Variants in ZNF138 observed in about 807,000 individuals in gnomAD.
The protein encoded by ZNF138 is zinc finger protein 138, also known as zinc finger protein 138 (clone pHZ-32).
A neutral mutation model predicts 33.0 loss-of-function variants in ZNF138; 33 were observed. The observed-to-expected ratio is 1.00, with a 90% CI of 0.76 to 1.34. ZNF138 has a LOEUF of 1.34. Among genes scored for constraint, ZNF138 ranks in the 40% most tolerant of loss-of-function variants. The probability of loss-of-function intolerance (pLI) is 0.00; values close to 1 mark genes in which losing one functional copy is unlikely to be tolerated. For synonymous variants in ZNF138, 139 were observed against 120.4 expected (o/e 1.15, Z -1.01); for missense variants, 360 against 370.8 (o/e 0.97, Z 0.24).
chr7:64,795,887 C>G (rs569850623), intron 1 of ZNF138, among the ~76,000 whole-genome samples: 16 of 152,256 alleles, frequency 1.1e-4, no homozygotes, highest in African/African-American at 3.6e-4. Context: ...TAAATTTCAG[C>G]TCCTGGCCTG....
chr7:64,822,874 A>AT (rs60156795), intron 3 of ZNF138, among the ~76,000 whole-genome samples: 149,753 of 151,958 alleles, frequency 0.99, 73,828 homozygotes, highest in Non-Finnish European at 1. Context: ...TGAAAAATTA[A>AT]TTTTTTTATT....
At chr7:64,810,312 T>C (rs62456821) in intron 1 of ZNF138, among the ~76,000 whole-genome samples, 136,056 of 145,086 alleles carry the variant, frequency 0.94, 63,849 homozygotes, top group South Asian at 0.97. Context: ...TCAGGCGTGG[T>C]GGCGCGAGCC....
chr7:64,842,406 T>C, the ZNF138 span, among the ~76,000 whole-genome samples: 1 of 152,230 alleles, frequency 6.6e-6, no homozygotes, highest in African/African-American at 2.4e-5. Flanking sequence ...TGCAAAATAA[T>C]AAAATGACCT....
intron 3 of ZNF138, among the ~76,000 whole-genome samples, chr7:64,830,130 G>C (rs1413709836): frequency 1.3e-5 from 2 of 152,220 alleles, no homozygotes; most frequent in African/African-American, 2.4e-5. Context: ...AAAATTAACT[G>C]GTTATCTCAT....
chr7:64,818,091 C>CAAG (rs61482707), intron 3 of ZNF138, among the ~76,000 whole-genome samples: 9 of 149,360 alleles, frequency 6.0e-5, no homozygotes, highest in Non-Finnish European at 1.2e-4. Context: ...CTCCCAGGTT[C>CAAG]TCCTTCCTCA....
intron 1 of ZNF138, among the ~76,000 whole-genome samples, chr7:64,795,208 A>G (rs888062607): frequency 2.0e-5 from 3 of 152,300 alleles, no homozygotes; most frequent in South Asian, 2.1e-4. Context: ...TTAAACATGA[A>G]TTTTATTTTT....
chr7:64,839,085 C>G, the ZNF138 span, among the ~76,000 whole-genome samples: 1 of 152,182 alleles, frequency 6.6e-6, no homozygotes, highest in Non-Finnish European at 1.5e-5. Flanking sequence ...GCGGAGGTCC[C>G]AGAACCTTTG....
At chr7:64,843,479 A>G in the ZNF138 span, among the ~76,000 whole-genome samples, 1 of 152,222 alleles carries the variant, frequency 6.6e-6, no homozygotes, top group Non-Finnish European at 1.5e-5. Context: ...TTAAAATAGG[A>G]GTAATTCTAA....
chr7:64,844,024 A>G, the ZNF138 span, among the ~76,000 whole-genome samples: 1 of 152,130 alleles, frequency 6.6e-6, no homozygotes, highest in Admixed American at 6.5e-5. Flanking sequence ...GGGTTTCACC[A>G]TGTTGGCCAG....
intron 1 of ZNF138, among the ~76,000 whole-genome samples, chr7:64,807,939 AT>A (rs1000048354): frequency 6.6e-6 from 1 of 152,228 alleles, no homozygotes; most frequent in African/African-American, 2.4e-5. Context: ...GGAGTAGAGT[AT>A]TCTTGTCTTT....
At chr7:64,837,320 G>T (rs754560851), downstream of ZNF138, among the ~76,000 whole-genome samples, 8 of 152,116 alleles carry the variant, frequency 5.3e-5, no homozygotes, top group Non-Finnish European at 7.3e-5. Flanking sequence ...TTGCCTGGAG[G>T]TCTTTTACTA....
At chr7:64,811,404 G>T (rs1788169279) in intron 1 of ZNF138, among the ~76,000 whole-genome samples, 1 of 152,180 alleles carries the variant, frequency 6.6e-6, no homozygotes, top group Non-Finnish European at 1.5e-5. Context: ...GGAGTGCAAT[G>T]GTGGGATCTC....
chr7:64,852,641 A>C, the ZNF138 span: 34 of 1,430,126 alleles, frequency 2.4e-5, no homozygotes, highest in South Asian at 3.7e-4. Flanking sequence ...GTTCATCATC[A>C]CCTCCTCGTA....
chr7:64,818,846 G>A (rs1033068702), intron 3 of ZNF138, among the ~76,000 whole-genome samples: 1 of 152,194 alleles, frequency 6.6e-6, no homozygotes, highest in Admixed American at 6.5e-5. Flanking sequence ...CCATACAGTG[G>A]ATGGCACTAA....
chr7:64,800,044 G>T (rs2128985160), intron 1 of ZNF138, among the ~76,000 whole-genome samples: 1 of 152,220 alleles, frequency 6.6e-6, no homozygotes, highest in East Asian at 1.9e-4. Flanking sequence ...CTGAAATTTT[G>T]CTTCACTTCT....
At chr7:64,839,292 C>A in the ZNF138 span, among the ~76,000 whole-genome samples, 2 of 152,130 alleles carry the variant, frequency 1.3e-5, no homozygotes, top group Non-Finnish European at 2.9e-5. Flanking sequence ...TGGGAGGTTG[C>A]GCAGGAGGCA....
chr7:64,842,686 T>C, the ZNF138 span, among the ~76,000 whole-genome samples: 2 of 152,196 alleles, frequency 1.3e-5, no homozygotes. Context: ...AAGCAACACC[T>C]TCCCTTTTAG....
downstream of ZNF138, among the ~76,000 whole-genome samples, chr7:64,834,940 G>A (rs138880861): frequency 7.9e-5 from 12 of 152,308 alleles, no homozygotes; most frequent in Admixed American, 2.6e-4. Flanking sequence ...GCCAAGAGGC[G>A]AGACAAAGAG....
At chr7:64,850,897 T>C in the ZNF138 span, among the ~76,000 whole-genome samples, 1 of 152,224 alleles carries the variant, frequency 6.6e-6, no homozygotes, top group East Asian at 1.9e-4. Context: ...AACCCATGTT[T>C]CTTCTAGTCA....
Sources: gnomAD v4.1 joint callset for allele counts (sites outside exome capture counted in the v4.1 genomes callset) on GRCh38, gnomAD v4.1.1 for gene constraint, MANE v1.5 for transcripts, NCBI Gene and HGNC (gene_info 2026-07-23, HGNC 2026-07-21) for gene names.